Variants in ABLIM1 observed in about 807,000 individuals in gnomAD.
ABLIM1 encodes actin-binding LIM protein 1.
In ABLIM1, 40 loss-of-function variants were observed where a neutral mutation model predicts 107.0. The ratio of observed to expected loss-of-function variants is 0.37; its 90% CI spans 0.29 to 0.49. The LOEUF is 0.49. Among genes scored for constraint, ABLIM1 ranks in the 20% least tolerant of loss-of-function variants. The pLI is 0.97. For missense variants in ABLIM1, 857 were observed against 1,008.5 expected (o/e 0.85, Z 2.04); for synonymous variants, 357 against 357.3 (o/e 1.00, Z 0.01).
At chr10:114,585,235 T>C (rs2074053522) in intron 2 of ABLIM1, among the ~76,000 whole-genome samples, 1 of 152,178 alleles carries the variant, frequency 6.6e-6, no homozygotes, top group South Asian at 2.1e-4. Context: ...TTTATTAACG[T>C]CTACATTCTC....
At chr10:114,514,916 A>T (rs1402241791) in intron 6 of ABLIM1, among the ~76,000 whole-genome samples, 3 of 152,184 alleles carry the variant, frequency 2.0e-5, no homozygotes, top group African/African-American at 7.2e-5. Flanking sequence ...CTTTGAGACT[A>T]AAGATTAAAT....
chr10:114,730,584 T>C (rs1193494349), intron 1 of ABLIM1, among the ~76,000 whole-genome samples: 1 of 152,128 alleles, frequency 6.6e-6, no homozygotes, highest in Non-Finnish European at 1.5e-5. Context: ...TATGGATCTT[T>C]AAAGAATAAT....
chr10:114,517,969 CT>C (rs552282561), intron 6 of ABLIM1, among the ~76,000 whole-genome samples: 147 of 146,340 alleles, frequency 1.0e-3, no homozygotes, highest in Middle Eastern at 3.6e-3. Flanking sequence ...TACACACATA[CT>C]TTTTTTTTTT....
intron 20 of ABLIM1, 70 bp from the exon 21 acceptor site, chr10:114,439,320 C>A (rs2059874042): frequency 2.0e-6 from 3 of 1,510,626 alleles, no homozygotes; most frequent in Non-Finnish European, 2.8e-6. Context: ...TACTCTTGGG[C>A]TCCCAATTCC....
chr10:114,529,646 G>A (rs2065242583), intron 6 of ABLIM1, among the ~76,000 whole-genome samples: 1 of 152,264 alleles, frequency 6.6e-6, no homozygotes, highest in South Asian at 2.1e-4. Context: ...GCAGCCCTTG[G>A]TGAGCAACCT....
chr10:114,789,375 T>C, the ABLIM1 span, among the ~76,000 whole-genome samples: 73 of 152,366 alleles, frequency 4.8e-4, no homozygotes, highest in Middle Eastern at 0.027. Flanking sequence ...AGCATCTTAA[T>C]AGGCATGTAC....
intron 1 of ABLIM1, among the ~76,000 whole-genome samples, chr10:114,758,670 T>C (rs1255009225): frequency 6.6e-6 from 1 of 152,220 alleles, no homozygotes; most frequent in African/African-American, 2.4e-5. Context: ...TTCCCTTCAT[T>C]GTTACCATTC....
At chr10:114,677,138 G>A (rs1363105692) in intron 1 of ABLIM1, among the ~76,000 whole-genome samples, 2 of 152,128 alleles carry the variant, frequency 1.3e-5, no homozygotes, top group Non-Finnish European at 2.9e-5. Flanking sequence ...TGGTCCACTT[G>A]TTTGCCACTG....
At chr10:114,567,157 G>A (rs1480620572) in intron 4 of ABLIM1, among the ~76,000 whole-genome samples, 1 of 152,194 alleles carries the variant, frequency 6.6e-6, no homozygotes. Context: ...AGGGCACCTG[G>A]ATAATCTGCA....
rs923511546 is a variant in ABLIM1, at chr10:114,745,670, G to A, written c.-213+22391C>T. Among the ~76,000 whole-genome samples, 6 of 152,328 alleles carry A rather than the reference G, an allele frequency of 3.9e-5. No homozygotes were observed. In the South Asian group the frequency reaches 6.2e-4, roughly 16 times the overall value. The stretch of plus-strand genomic sequence containing the variant: ...AGATCACCTGAGGTCAGGAGTTCAA[G>A]ACCAGCCTGGCCAACATGGTGAAAC... On this transcript the variant is annotated intron_variant, in intron 1 of 15. Transcript: ENST00000651092.
rs184085428 is a variant in ABLIM1, at chr10:114,727,983, A to C, written c.-213+40078T>G. On this transcript the variant is annotated intron_variant, in intron 1 of 15. Transcript: ENST00000651092. ...AGCCACCATAAAAACAAACTGGGAG[A>C]TGTGTAAAATATACAACAAAGAATG... Among the ~76,000 whole-genome samples the C allele has an allele frequency of 2.6e-5, 4 of 152,334 alleles. No homozygotes were observed. In the East Asian group the frequency reaches 7.7e-4, roughly 29 times the overall value.
upstream of ABLIM1, among the ~76,000 whole-genome samples, chr10:114,659,249 C>A (rs373318874): frequency 4.3e-4 from 66 of 152,014 alleles, 2 homozygotes; most frequent in South Asian, 7.7e-3. Flanking sequence ...TTGCTCACGT[C>A]TGTAATCCTA....
At chr10:114,442,867 G>T (rs764390487) in intron 17 of ABLIM1, among the ~76,000 whole-genome samples, 1 of 151,452 alleles carries the variant, frequency 6.6e-6, no homozygotes, top group Non-Finnish European at 1.5e-5. Flanking sequence ...TTGAGACAGA[G>T]TCTCACTCTC....
intron 6 of ABLIM1, among the ~76,000 whole-genome samples, chr10:114,509,855 G>A (rs987981530): frequency 1.3e-5 from 2 of 152,184 alleles, no homozygotes; most frequent in African/African-American, 4.8e-5. Context: ...GAGGTTGAAT[G>A]GACTCACAGT....
intron 1 of ABLIM1, among the ~76,000 whole-genome samples, chr10:114,749,910 C>A (rs2142404123): frequency 6.6e-6 from 1 of 152,300 alleles, no homozygotes; most frequent in Admixed American, 6.5e-5. Flanking sequence ...ATGCCCATCC[C>A]AGACCCTCCA....
At chr10:114,497,613 C>A (rs1040517129) in intron 6 of ABLIM1, among the ~76,000 whole-genome samples, 4 of 131,112 alleles carry the variant, frequency 3.1e-5, no homozygotes, top group Non-Finnish European at 6.2e-5. Context: ...ACCCGGGAGG[C>A]GGAGCTTGCA....
intron 1 of ABLIM1, among the ~76,000 whole-genome samples, chr10:114,618,533 G>C (rs1391421816): frequency 6.6e-6 from 1 of 152,192 alleles, no homozygotes; most frequent in Non-Finnish European, 1.5e-5. Flanking sequence ...GTAGAGACGT[G>C]ATTTGCCCAC....
At chr10:114,597,295 G>A (rs1285877432) in intron 2 of ABLIM1, among the ~76,000 whole-genome samples, 1 of 152,188 alleles carries the variant, frequency 6.6e-6, no homozygotes, top group Non-Finnish European at 1.5e-5. Flanking sequence ...ATCTGATTAG[G>A]ATGGAGAGAG....
chr10:114,691,339 C>T (rs994811549), intron 1 of ABLIM1, among the ~76,000 whole-genome samples: 1 of 152,064 alleles, frequency 6.6e-6, no homozygotes, highest in Non-Finnish European at 1.5e-5. Context: ...TTCATATAAA[C>T]GAATAACTAG....
Sources: gnomAD v4.1 joint callset for allele counts (sites outside exome capture counted in the v4.1 genomes callset) on GRCh38, gnomAD v4.1.1 for gene constraint, MANE v1.5 for transcripts, NCBI Gene and HGNC (gene_info 2026-07-23, HGNC 2026-07-21) for gene names.